SSC5D: variants seen among roughly 807,000 people sequenced by gnomAD.
SSC5D encodes the protein soluble scavenger receptor cysteine-rich domain-containing protein SSC5D.
In SSC5D, 106 loss-of-function variants were observed where a neutral mutation model predicts 104.6. The ratio of observed to expected loss-of-function variants is 1.01; its 90% confidence interval spans 0.87 to 1.19. The LOEUF (loss-of-function observed/expected upper bound fraction) is 1.19. Ranked by LOEUF, SSC5D falls within the 50% of genes most tolerant of loss-of-function variation. The pLI is 0.00. For synonymous variants in SSC5D, 860 were observed against 883.5 expected, an observed-to-expected ratio of 0.97 and a Z score of 0.47; for missense variants, 1,993 against 2,153.8, an observed-to-expected ratio of 0.93 and a Z score of 1.48.
intron 5 of SSC5D, 48 bp from the exon 6 acceptor site, chr19:55,490,724 G>C: frequency 6.9e-7 from 1 of 1,441,790 alleles, no homozygotes; most frequent in Non-Finnish European, 9.1e-7. Flanking sequence ...AGGGGTGTTT[G>C]AATCATTTCT....
At position 55,493,986 on chromosome 19, in the gene SSC5D, GC is replaced by G. The variant is rs1316265804; in HGVS notation, c.1213+75del. On this transcript the variant is annotated intron_variant, in intron 7 of 13. Transcript: ENST00000389623. ...GAGCGGAGGGGCAAGTTCGGCGGGG[GC>G]GGGGGGGTCCCTACGCGCCCTTCCT... 3.2e-3 allele frequency: 933 copies of G among 287,888 alleles called. 34 individuals are homozygous for G. The highest frequency in any genetic ancestry group is 0.02 in the East Asian group (143 of 7,324). 17.8% of individuals were successfully genotyped at this position (287,888 alleles called of 1,614,324 possible).
intron 1 of SSC5D, 75 bp from the exon 2 acceptor site, chr19:55,488,931 G>T: frequency 1.1e-5 from 3 of 277,778 alleles, no homozygotes; most frequent in Non-Finnish European, 5.1e-6. Context: ...TATTCAAGAT[G>T]AGGGGCCTGC....
Position 55,501,103 on chromosome 19 carries a change from G to T in SSC5D, c.2687G>T (p.Gly896Val), listed in dbSNP as rs375507665. 10 of 1,551,578 alleles carry T rather than the reference G, an allele frequency of 6.4e-6. No individual in the cohort carries two copies. The African/African-American group carries it at 1.4e-4, about 21-fold the overall frequency. Residue 896 changes from glycine (G) to valine (V), a missense_variant, in exon 12 of 14, where the codon GGG (glycine) becomes GTG (valine). Physicochemically the swap from Gly to Val is moderately radical, Grantham distance 109. Around this residue, in one of 6 missense-constraint regions of SSC5D, gnomAD observed 423 missense variants for 409.2 expected, o/e 1.03. Transcript: ENST00000389623. ...DPTSREDLAK[G>V]TTTAGVPGHT... ...ACCTCAAGAGAGGACCTGGCCAAGG[G>T]GACTACCACAGCGGGGGTACCTGGA...
chr19:55,514,605 A>G (rs868771796), intron 13 of SSC5D, among the ~76,000 whole-genome samples: 13 of 150,846 alleles, frequency 8.6e-5, no homozygotes, highest in Middle Eastern at 3.4e-3. Flanking sequence ...TGTTAAAAAA[A>G]AAAAAAAAAG....
chr19:55,493,987 CGG>C, intron 7 of SSC5D, 75 bp downstream of exon 7: 2 of 206,422 alleles, frequency 9.7e-6, no homozygotes, highest in South Asian at 1.1e-4. Flanking sequence ...TCGGCGGGGG[CGG>C]GGGGGTCCCT....
Position 55,494,746 on chromosome 19 carries a change from C to A in SSC5D, c.1350C>A (p.Ala450=). The stretch of plus-strand genomic sequence containing the variant: ...CGGCAGGCGTTTCACCTCCTCCAGC[C>A]TCCCCTACTGTCCTTTGGGAGCCTG... The part of the protein sequence containing the change: ...PGTAGVSPPP[A]SPTVLWEPGP... The change falls in exon 8 of 14, where the codon GCC becomes GCA. Residue 450 remains alanine, a synonymous_variant. Coordinates refer to ENST00000389623, the MANE Select transcript of SSC5D (RefSeq NM_001144950.2). 6.5e-7 allele frequency: 1 copy of A among 1,549,722 alleles called. No individual in the cohort carries two copies.
At position 55,493,305 on chromosome 19, in the gene SSC5D, C is replaced by T. The variant is rs192778853; in HGVS notation, c.896-290C>T. 1.2e-3 allele frequency among the ~76,000 whole-genome samples: 183 copies of T among 152,240 alleles called. 2 individuals carry two copies. Among genetic ancestry groups the T allele is most frequent in the Middle Eastern group, 0.01 (3 of 294 alleles). ...GTGGTGCTGAGACTTGGAAATCCGG[C>T]TCTCTAGGATCCGAGGGGCCAGGCA... is the stretch of plus-strand genomic sequence containing the variant. On this transcript the variant is annotated intron_variant, in intron 6 of 13. Transcript: ENST00000389623.
At position 55,489,422 on chromosome 19, in the gene SSC5D, TG is replaced by T. The variant is rs1374335017; in HGVS notation, c.125del (p.Gly42AlafsTer106). On this transcript the variant is annotated frameshift_variant, in exon 3 of 14. Transcript: ENST00000389623. LOFTEE classifies it high-confidence loss of function. ...CCTGGAGGTCTGGCATGGCGGGCGC[TG>T]GGGCACCGTGTGTGATGACGGCTGG... ...GRLEVWHGGRWGTVCDDGWDL... is the reference protein window; with the variant it reads ...GRLEVWHGGRXGTVCDDGWDL... 1.5e-5 allele frequency: 22 copies of T among 1,489,472 alleles called. No homozygotes were observed. Among genetic ancestry groups the T allele is most frequent in the Non-Finnish European group, 1.5e-5 (17 of 1,126,872 alleles). 92.3% of individuals were successfully genotyped at this position (1,489,472 alleles called of 1,614,324 possible). A position where few individuals can be genotyped will look rare whatever the true frequency, so the allele number is the denominator to read the frequency against.
chr19:55,498,478 C>T lies in SSC5D; in HGVS notation c.1705+281C>T, dbSNP rs1435029919. 2.0e-5 allele frequency among the ~76,000 whole-genome samples: 3 copies of T among 152,342 alleles called. No homozygotes were observed. The East Asian group carries it at 5.8e-4, about 29-fold the overall frequency. On this transcript the variant is annotated intron_variant, in intron 9 of 13. Coordinates refer to ENST00000389623, the MANE Select transcript of SSC5D (RefSeq NM_001144950.2). ...GATCTGGGATTCCCACTCAGAGAAG[C>T]TTCTGCTTCCTCTTCCTTCCAGGAA...
At chr19:55,502,689 T>C (rs1987537135) in intron 12 of SSC5D, among the ~76,000 whole-genome samples, 1 of 152,228 alleles carries the variant, frequency 6.6e-6, no homozygotes, top group South Asian at 2.1e-4. Context: ...AGGATCTTGC[T>C]CTGTTGCCCA....
Position 55,501,103 on chromosome 19 carries a change from G to A in SSC5D, c.2687G>A (p.Gly896Glu). The A allele has an allele frequency of 6.4e-7, 1 of 1,551,696 alleles. No individual in the cohort carries two copies. Among genetic ancestry groups the A allele is most frequent in the Non-Finnish European group, 8.7e-7 (1 of 1,146,964 alleles). Residue 896 changes from glycine (G) to glutamate (E), a missense_variant, in exon 12 of 14, where the codon GGG (glycine) becomes GAG (glutamate). Gly to Glu is a moderately conservative substitution (Grantham distance 98). Around this residue, in one of 6 missense-constraint regions of SSC5D, gnomAD observed 423 missense variants for 409.2 expected, o/e 1.03. Transcript: ENST00000389623. Reference sequence around the variant, plus strand: ...ACCTCAAGAGAGGACCTGGCCAAGGGGACTACCACAGCGGGGGTACCTGGA... The same window carrying A: ...ACCTCAAGAGAGGACCTGGCCAAGGAGACTACCACAGCGGGGGTACCTGGA... The part of the protein sequence containing the change: ...DPTSREDLAK[G>E]TTTAGVPGHT...
intron 8 of SSC5D, 60 bp downstream of exon 8, chr19:55,494,843 C>G: frequency 6.8e-7 from 1 of 1,464,636 alleles, no homozygotes; most frequent in Non-Finnish European, 9.1e-7. Context: ...CTTCCCTCAG[C>G]TCTGAGACTG....
Position 55,500,657 on chromosome 19 carries a change from A to G in SSC5D, c.2470A>G (p.Lys824Glu). The change falls in exon 11 of 14, where the codon AAA becomes GAA. Residue 824 changes from lysine (K) to glutamate (E), a missense_variant. Coordinates refer to ENST00000389623, the MANE Select transcript of SSC5D (RefSeq NM_001144950.2). This position sits in a 1 kb window ranked among gnomAD's most constrained non-coding sequence, Gnocchi z 4.6. ...TGGAAAGGTCCGGCCTCGAGTAGGCAAAACCCATTACGGCCCTGGGACTGG... is the reference window on the plus strand; with the variant it reads ...TGGAAAGGTCCGGCCTCGAGTAGGCGAAACCCATTACGGCCCTGGGACTGG... ...GCGKVRPRVG[K>E]THYGPGTGPI... is the part of the protein sequence containing the mutation. 6.4e-7 allele frequency: 1 copy of G among 1,551,730 alleles called. No individual in the cohort carries two copies. The highest frequency in any genetic ancestry group is 8.7e-7 in the Non-Finnish European group (1 of 1,147,004).
chr19:55,513,050 C>T lies in SSC5D; in HGVS notation c.2825C>T (p.Thr942Ile). The change falls in exon 13 of 14, where the codon ACA becomes ATA. Residue 942 changes from threonine (T) to isoleucine (I), a missense_variant. Physicochemically the swap from Thr to Ile is moderately conservative, Grantham distance 89. Coordinates refer to ENST00000389623, the MANE Select transcript of SSC5D (RefSeq NM_001144950.2). ...TACAAGCTTCCCTGGACGTGGGACACACCATCAGGAAGGGGCCTGGCTGAG... is the reference window on the plus strand; with the variant it reads ...TACAAGCTTCCCTGGACGTGGGACATACCATCAGGAAGGGGCCTGGCTGAG... ...DGYKLPWTWD[T>I]PSGRGLAEGT... is the part of the protein sequence containing the mutation. The T allele has an allele frequency of 6.4e-7, 1 of 1,551,964 alleles. No homozygotes were observed. Among genetic ancestry groups the T allele is most frequent in the South Asian group, 1.2e-5 (1 of 84,062 alleles).
At position 55,497,877 on chromosome 19, in the gene SSC5D, C is replaced by A; in HGVS notation, c.1388-3C>A. The A allele has an allele frequency of 1.3e-6, 2 of 1,528,934 alleles. No individual in the cohort carries two copies. The highest frequency in any genetic ancestry group is 1.8e-6 in the Non-Finnish European group (2 of 1,131,642). 94.7% of individuals were successfully genotyped at this position (1,528,934 alleles called of 1,614,324 possible). ...CTAATTCTTTGGGTCTCTTCTACCC[C>A]AGGGTCCCCCCAGCTGCGCCTGGTG... On this transcript the variant is annotated splice_polypyrimidine_tract_variant and splice_region_variant and intron_variant, in intron 8 of 13. Coordinates refer to ENST00000389623, the MANE Select transcript of SSC5D (RefSeq NM_001144950.2).
Position 55,500,404 on chromosome 19 carries a change from G to A in SSC5D, c.2294G>A (p.Gly765Glu), listed in dbSNP as rs1284601353. 9.0e-6 allele frequency: 14 copies of A among 1,550,536 alleles called. No homozygotes were observed. Among genetic ancestry groups the A allele is most frequent in the Non-Finnish European group, 1.2e-5 (14 of 1,146,262 alleles). ...PAPSPSVSTT[G>E]ESGLFRVRLA... is the part of the protein sequence containing the mutation. ...CCCTCTCCCAGTGTTAGCACCACTG[G>A]GGAATCAGGTGAGTGGCCGTGAGGG... Residue 765 changes from glycine (G) to glutamate (E), a missense_variant, in exon 10 of 14, where the codon GGG becomes GAG. Physicochemically the swap from Gly to Glu is moderately conservative, Grantham distance 98. Transcript: ENST00000389623. The surrounding 1 kb of genome is among the most constrained non-coding windows in gnomAD (Gnocchi z 4.6).
Position 55,494,571 on chromosome 19 carries a change from G to T in SSC5D, c.1214-39G>T, listed in dbSNP as rs1280517771. The T allele has an allele frequency of 7.1e-5, 104 of 1,472,450 alleles. No individual in the cohort carries two copies. The East Asian group carries it at 2.7e-3, about 38-fold the overall frequency. The allele number at this position is 1,472,450 out of a possible 1,614,324, so 91.2% of individuals were successfully genotyped here. ...GGGGGTGCCGGCTCCGGGATGGAGG[G>T]TGTGTGTGGGTGGCAATCACTTACC... On this transcript the variant is annotated intron_variant, in intron 7 of 13. Coordinates refer to ENST00000389623, the MANE Select transcript of SSC5D (RefSeq NM_001144950.2).
chr19:55,496,462 G>A (rs1256895938), intron 8 of SSC5D, among the ~76,000 whole-genome samples: 2 of 152,214 alleles, frequency 1.3e-5, no homozygotes, highest in African/African-American at 2.4e-5. Context: ...CATTCCCAGA[G>A]GTCTCGTTCC....
At chr19:55,506,219 A>G (rs1987631512) in intron 12 of SSC5D, among the ~76,000 whole-genome samples, 1 of 151,594 alleles carries the variant, frequency 6.6e-6, no homozygotes, top group South Asian at 2.1e-4. Flanking sequence ...TATCTTGTCT[A>G]TCATGGATCT....
Sources: allele counts gnomAD v4.1 joint callset (sites outside exome capture counted in the v4.1 genomes callset), GRCh38; gene constraint gnomAD v4.1.1; regional missense constraint gnomAD v4.1.1; non-coding constraint Gnocchi (gnomAD v3.1); transcripts MANE v1.5; gene names NCBI Gene and HGNC (gene_info 2026-07-23, HGNC 2026-07-21).